The following RSBN1L variants were observed in gnomAD, a reference collection of about 807,000 sequenced individuals.
RSBN1L encodes the protein lysine-specific demethylase RSBN1L.
In RSBN1L, 30 loss-of-function variants were observed where a neutral mutation model predicts 67.7. That is an observed-to-expected ratio of 0.44 (90% CI 0.33 to 0.60). The LOEUF (loss-of-function observed/expected upper bound fraction) is 0.60. Ranked by LOEUF, RSBN1L falls within the 20% of genes least tolerant of loss-of-function variation. The pLI is 0.02. For missense variants in RSBN1L, 992 were observed against 1,031.7 expected, an observed-to-expected ratio of 0.96 and a Z score of 0.53; for synonymous variants, 433 against 387.0, an observed-to-expected ratio of 1.12 and a Z score of -1.39.
intron 2 of RSBN1L, among the ~76,000 whole-genome samples, chr7:77,738,176 T>TCTAAA (rs1215379118): frequency 6.6e-6 from 1 of 152,170 alleles, no homozygotes; most frequent in Non-Finnish European, 1.5e-5. Context: ...GGAATCTGTT[T>TCTAAA]TAGAAATACT....
intron 3 of RSBN1L, chr7:77,759,471 G>C (rs1481359654): frequency 1.3e-5 from 2 of 152,054 alleles, no homozygotes; most frequent in African/African-American, 4.8e-5. Context: ...AGAAGTGATG[G>C]ATAATGGCTC....
intron 1 of RSBN1L, among the ~76,000 whole-genome samples, chr7:77,711,528 A>G (rs942736174): frequency 6.6e-6 from 1 of 151,878 alleles, no homozygotes; most frequent in Admixed American, 6.6e-5. Context: ...TTTTTCATAG[A>G]TATGGCTTCT....
chr7:77,780,342 G>C lies in RSBN1L; in HGVS notation c.*1174G>C, dbSNP rs1791983641. 1 of 152,094 alleles carries C rather than the reference G, an allele frequency of 6.6e-6. No homozygotes were observed. The highest frequency in any genetic ancestry group is 2.4e-5 in the African/African-American group (1 of 41,414). 9.4% of individuals were successfully genotyped at this position (152,094 alleles called of 1,614,324 possible). A position where few individuals can be genotyped will look rare whatever the true frequency, so the allele number is the denominator to read the frequency against. ...TATTAAGAAAGCAGTTTAGGTAATA[G>C]AAACAGTTTTAGAAAGTTGGGAGAA... On this transcript the variant is annotated 3_prime_UTR_variant, in exon 8 of 8. Coordinates refer to ENST00000334955, the MANE Select transcript of RSBN1L (RefSeq NM_198467.3).
rs905878950 is a variant in RSBN1L, at chr7:77,749,778, A to G, written c.1058A>G (p.His353Arg). 2.5e-6 allele frequency: 4 copies of G among 1,614,214 alleles called. No homozygotes were observed. Among genetic ancestry groups the G allele is most frequent in the Non-Finnish European group, 3.4e-6 (4 of 1,180,040 alleles). ...TTTAAACAACTCATTCATATAGAGC[A>G]CCAGCCTAATGGAGGTGCATCGGTT... ...LEFKQLIHIE[H>R]QPNGGASVIH... is the part of the protein sequence containing the mutation. The change falls in exon 3 of 8, where the codon CAC (histidine) becomes CGC (arginine). Residue 353 changes from histidine (H) to arginine (R), a missense_variant. By Grantham distance (29) the His-to-Arg change is conservative. Around this residue, in one of 7 missense-constraint regions of RSBN1L, gnomAD observed 575 missense variants for 483.2 expected, o/e 1.19. Transcript: ENST00000334955.
chr7:77,765,219 A>T (rs1184530812), intron 3 of RSBN1L, among the ~76,000 whole-genome samples: 1 of 152,154 alleles, frequency 6.6e-6, no homozygotes, highest in African/African-American at 2.4e-5. Flanking sequence ...ATTAATGCTT[A>T]TTTGTCTTAA....
At chr7:77,739,258 G>A (rs1333800395) in intron 2 of RSBN1L, among the ~76,000 whole-genome samples, 3 of 152,042 alleles carry the variant, frequency 2.0e-5, no homozygotes, top group African/African-American at 7.2e-5. Context: ...TTTCCTTGTG[G>A]CCTCCAACTT....
At chr7:77,719,559 AT>A (rs1195961787) in intron 1 of RSBN1L, among the ~76,000 whole-genome samples, 1 of 152,224 alleles carries the variant, frequency 6.6e-6, no homozygotes, top group Non-Finnish European at 1.5e-5. Flanking sequence ...ATTTAAAGTG[AT>A]TTAATTCTGT....
intron 1 of RSBN1L, among the ~76,000 whole-genome samples, chr7:77,703,722 A>G (rs762026398): frequency 5.9e-5 from 9 of 151,982 alleles, no homozygotes; most frequent in Non-Finnish European, 1.2e-4. Flanking sequence ...TCCTAACCTC[A>G]GGTGATCTGC....
chr7:77,745,271 A>C (rs1377484908), intron 2 of RSBN1L, among the ~76,000 whole-genome samples: 1 of 152,026 alleles, frequency 6.6e-6, no homozygotes, highest in Non-Finnish European at 1.5e-5. Context: ...TCAAAAAAAA[A>C]AAAAAAAGTT....
chr7:77,733,091 C>G (rs12672657), intron 1 of RSBN1L, among the ~76,000 whole-genome samples: 3 of 151,752 alleles, frequency 2.0e-5, no homozygotes, highest in East Asian at 3.9e-4. Context: ...CCCAGGAGTT[C>G]GAGACCAACC....
At chr7:77,725,079 G>A (rs1405286150) in intron 1 of RSBN1L, among the ~76,000 whole-genome samples, 7 of 150,450 alleles carry the variant, frequency 4.7e-5, no homozygotes, top group African/African-American at 7.3e-5. Flanking sequence ...CCTGACCTCC[G>A]GTGATCCACC....
In RSBN1L at chr7:77,749,563, A is replaced by G. The variant is rs756385213; in HGVS notation, c.843A>G (p.Ser281=). 2 of 1,613,996 alleles carry G rather than the reference A, an allele frequency of 1.2e-6. No homozygotes were observed. Among genetic ancestry groups the G allele is most frequent in the Non-Finnish European group, 1.7e-6 (2 of 1,179,996 alleles). Residue 281 remains serine, a synonymous_variant, in exon 3 of 8, where the codon TCA becomes TCG. Transcript: ENST00000334955. ...MYSKSIQTIC[S]GLLTDVEDQA... ...GCAAATCTATTCAGACCATCTGCTC[A>G]GGATTGCTAACTGATGTTGAAGATC...
intron 2 of RSBN1L, among the ~76,000 whole-genome samples, chr7:77,737,580 G>A (rs1484219247): frequency 3.3e-5 from 5 of 152,140 alleles, no homozygotes; most frequent in Non-Finnish European, 7.4e-5. Flanking sequence ...GTTGATGGCT[G>A]CTTATTAGTT....
chr7:77,716,429 G>A (rs1229132808), intron 1 of RSBN1L, among the ~76,000 whole-genome samples: 1 of 147,428 alleles, frequency 6.8e-6, no homozygotes, highest in Middle Eastern at 3.3e-3. Context: ...GGGCTCAGAT[G>A]ATCCTCCCGC....
At chr7:77,774,863 AT>A (rs959039838) in intron 6 of RSBN1L, among the ~76,000 whole-genome samples, 2 of 150,930 alleles carry the variant, frequency 1.3e-5, no homozygotes, top group Non-Finnish European at 3.0e-5. Flanking sequence ...GCCATTAAAA[AT>A]TTTTTTTTTC....
At chr7:77,726,247 C>A (rs1368816683) in intron 1 of RSBN1L, among the ~76,000 whole-genome samples, 1 of 152,124 alleles carries the variant, frequency 6.6e-6, no homozygotes, top group Non-Finnish European at 1.5e-5. Context: ...TCAGAATTTC[C>A]TTAGTATTTT....
At chr7:77,698,027 T>TA in intron 1 of RSBN1L, among the ~76,000 whole-genome samples, 1 of 152,102 alleles carries the variant, frequency 6.6e-6, no homozygotes, top group Middle Eastern at 3.4e-3. Flanking sequence ...TGTTGTCAAA[T>TA]AACTCTTTTT....
At chr7:77,776,333 AT>A (rs1303786459) in intron 6 of RSBN1L, among the ~76,000 whole-genome samples, 2 of 152,328 alleles carry the variant, frequency 1.3e-5, no homozygotes, top group Admixed American at 6.5e-5. Context: ...TTTTTAGTAT[AT>A]TCACAGAGTT....
intron 3 of RSBN1L, among the ~76,000 whole-genome samples, chr7:77,763,995 A>G (rs1791729749): frequency 1.3e-5 from 2 of 152,206 alleles, no homozygotes; most frequent in Admixed American, 6.5e-5. Context: ...TCTTCCTTAA[A>G]TGATTTTGTA....
Sources: allele counts gnomAD v4.1 joint callset (sites outside exome capture counted in the v4.1 genomes callset), GRCh38; gene constraint gnomAD v4.1.1; regional missense constraint gnomAD v4.1.1; transcripts MANE v1.5; gene names NCBI Gene and HGNC (gene_info 2026-07-23, HGNC 2026-07-21).